ACBD6: variants seen among roughly 807,000 people sequenced by gnomAD.
ACBD6 encodes the protein acyl-CoA-binding domain-containing protein 6.
A neutral mutation model predicts 37.2 loss-of-function variants in ACBD6; 28 were observed. That is an observed-to-expected ratio of 0.75 (90% CI 0.56 to 1.03). The LOEUF (loss-of-function observed/expected upper bound fraction) is 1.03. Among genes scored for constraint, ACBD6 ranks in the 50% least tolerant of loss-of-function variants. The pLI, the probability that ACBD6 is intolerant of heterozygous loss-of-function variation, is 0.00. For missense variants in ACBD6, 340 were observed against 337.4 expected (o/e 1.01, Z -0.06); for synonymous variants, 113 against 126.8 (o/e 0.89, Z 0.73).
intron 6 of ACBD6, among the ~76,000 whole-genome samples, chr1:180,392,244 GGTATGT>G (rs1371368899): frequency 2.9e-5 from 4 of 136,546 alleles, no homozygotes; most frequent in African/African-American, 1.1e-4. Flanking sequence ...GTTACACAAG[GGTATGT>G]GTATGTGTAT....
chr1:180,449,951 C>T (rs1042568934), intron 3 of ACBD6, among the ~76,000 whole-genome samples: 3 of 149,004 alleles, frequency 2.0e-5, no homozygotes, highest in African/African-American at 7.4e-5. Flanking sequence ...ATCTAATTTC[C>T]GGATGACAGG....
rs527419025 is a variant in ACBD6 at position 180,398,149 on chromosome 1, T to A, written c.574-544A>T. Among the ~76,000 whole-genome samples the A allele has an allele frequency of 1.1e-4, 16 of 152,298 alleles. No homozygotes were observed. The South Asian group carries it at 3.3e-3, about 32-fold the overall frequency. On this transcript the variant is annotated intron_variant, in intron 5 of 7. Coordinates refer to ENST00000367595, the MANE Select transcript of ACBD6 (RefSeq NM_032360.4). ...TACTTCTGGGTCTGTACTAGCCCAATGCCTGCTTTCAGCTCAATCAGTTCA... is the reference window on the plus strand; with the variant it reads ...TACTTCTGGGTCTGTACTAGCCCAAAGCCTGCTTTCAGCTCAATCAGTTCA...
At chr1:180,287,761 C>T (rs966406485), downstream of ACBD6, among the ~76,000 whole-genome samples, 1 of 152,022 alleles carries the variant, frequency 6.6e-6, no homozygotes, top group Admixed American at 6.6e-5. Context: ...AAACAGAGTA[C>T]TATTCTAAAA....
intron 6 of ACBD6, among the ~76,000 whole-genome samples, chr1:180,381,008 T>C (rs1260882166): frequency 1.3e-5 from 2 of 151,988 alleles, no homozygotes; most frequent in African/African-American, 4.8e-5. Context: ...ACAGCCTGAA[T>C]ATGAGAGGAT....
chr1:180,328,581 C>T (rs1651347928), intron 6 of ACBD6, among the ~76,000 whole-genome samples: 1 of 151,826 alleles, frequency 6.6e-6, no homozygotes, highest in East Asian at 1.9e-4. Flanking sequence ...TTGTTATATC[C>T]AGTAATTTAC....
At chr1:180,423,035 T>A (rs1026508557) in intron 4 of ACBD6, among the ~76,000 whole-genome samples, 1 of 152,224 alleles carries the variant, frequency 6.6e-6, no homozygotes, top group African/African-American at 2.4e-5. Flanking sequence ...TGTGCCTACA[T>A]TGTGATGAAC....
intron 3 of ACBD6, among the ~76,000 whole-genome samples, chr1:180,460,903 G>A (rs1273528417): frequency 6.6e-6 from 1 of 152,170 alleles, no homozygotes; most frequent in Non-Finnish European, 1.5e-5. Context: ...GGCTGACATG[G>A]CTGAAACAAC....
intron 4 of ACBD6, among the ~76,000 whole-genome samples, chr1:180,420,858 C>G (rs541594578): frequency 3.9e-5 from 6 of 152,282 alleles, no homozygotes; most frequent in African/African-American, 1.2e-4. Flanking sequence ...TTGCAGAAAA[C>G]AGAGGTAGCC....
chr1:180,467,032 G>A (rs1348754521), intron 3 of ACBD6, among the ~76,000 whole-genome samples: 1 of 151,936 alleles, frequency 6.6e-6, no homozygotes, highest in Non-Finnish European at 1.5e-5. Flanking sequence ...CTCTAGTATA[G>A]TTTTCTATCT....
At chr1:180,480,195 T>G (rs1473247936) in intron 3 of ACBD6, among the ~76,000 whole-genome samples, 1 of 152,086 alleles carries the variant, frequency 6.6e-6, no homozygotes, top group Non-Finnish European at 1.5e-5. Context: ...CAGATATACA[T>G]TCAGATAAGT....
intron 6 of ACBD6, among the ~76,000 whole-genome samples, chr1:180,331,923 T>C (rs192161547): frequency 6.6e-6 from 1 of 152,356 alleles, no homozygotes; most frequent in Non-Finnish European, 1.5e-5. Flanking sequence ...CTAGAGAGTA[T>C]ATTCTAAAAT....
chr1:180,318,826 C>T (rs1650939916), intron 6 of ACBD6, among the ~76,000 whole-genome samples: 1 of 152,066 alleles, frequency 6.6e-6, no homozygotes. Flanking sequence ...TCAGAGCAGC[C>T]CAGTGTTGGT....
chr1:180,424,597 C>T (rs1019698730), intron 4 of ACBD6, among the ~76,000 whole-genome samples: 24 of 152,262 alleles, frequency 1.6e-4, no homozygotes, highest in African/African-American at 4.6e-4. Flanking sequence ...AGTATACCCA[C>T]AACCTCTATA....
At chr1:180,489,630 C>A (rs1471170936) in intron 3 of ACBD6, among the ~76,000 whole-genome samples, 5 of 151,530 alleles carry the variant, frequency 3.3e-5, no homozygotes, top group Non-Finnish European at 7.4e-5. Context: ...TTTTTAAAAA[C>A]CATCCTCAAC....
Position 180,464,700 on chromosome 1 carries a change from G to A in ACBD6, c.384+27569C>T, listed in dbSNP as rs544786915. Among the ~76,000 whole-genome samples, 44 of 151,968 alleles carry A rather than the reference G, an allele frequency of 2.9e-4. 2 individuals are homozygous for A. In the South Asian group the frequency reaches 6.5e-3, roughly 22 times the overall value. On this transcript the variant is annotated intron_variant, in intron 3 of 7. Coordinates refer to ENST00000367595, the MANE Select transcript of ACBD6 (RefSeq NM_032360.4). Reference sequence around the variant, plus strand: ...AAAAAATTATTTTAAATTTTATATGGAACCAAAAAGAGGGCCCAAATAGCC... The same window carrying A: ...AAAAAATTATTTTAAATTTTATATGAAACCAAAAAGAGGGCCCAAATAGCC...
chr1:180,364,943 T>C (rs149277597), intron 6 of ACBD6, among the ~76,000 whole-genome samples: 3,007 of 152,154 alleles, frequency 0.02, 101 homozygotes, highest in African/African-American at 0.067. Flanking sequence ...CCGTGTTAGC[T>C]AGGATGGTCT....
At chr1:180,479,307 C>T (rs900842710) in intron 3 of ACBD6, among the ~76,000 whole-genome samples, 4 of 152,026 alleles carry the variant, frequency 2.6e-5, no homozygotes, top group Non-Finnish European at 5.9e-5. Context: ...TGAAATATTA[C>T]GCAGCTATAA....
chr1:180,492,510 T>A, intron 2 of ACBD6, 145 bp from the exon 3 acceptor site: 1 of 713,582 alleles, frequency 1.4e-6, no homozygotes, highest in Non-Finnish European at 2.4e-6. Context: ...CTCTGTCTTT[T>A]TGCATTTACA....
At chr1:180,373,261 C>G (rs1653324948) in intron 6 of ACBD6, among the ~76,000 whole-genome samples, 1 of 152,120 alleles carries the variant, frequency 6.6e-6, no homozygotes, top group Non-Finnish European at 1.5e-5. Flanking sequence ...TTTCAGCTTT[C>G]CAAACATGTT....
Sources: allele counts gnomAD v4.1 joint callset (sites outside exome capture counted in the v4.1 genomes callset), GRCh38; gene constraint gnomAD v4.1.1; transcripts MANE v1.5; gene names NCBI Gene and HGNC (gene_info 2026-07-23, HGNC 2026-07-21).